Variants in ZFAT observed in about 807,000 individuals in gnomAD.
ZFAT encodes zinc finger and AT-hook domain containing.
In ZFAT, 64 loss-of-function variants were observed where a neutral mutation model predicts 117.7. The observed-to-expected ratio is 0.54, with a 90% CI of 0.44 to 0.67. The LOEUF (loss-of-function observed/expected upper bound fraction) is 0.67. ZFAT is among the 30% of genes least tolerant of loss of function. The pLI is 0.00. For synonymous variants in ZFAT, 679 were observed against 615.0 expected, an observed-to-expected ratio of 1.10 and a Z score of -1.54; for missense variants, 1,433 against 1,584.5, an observed-to-expected ratio of 0.90 and a Z score of 1.62.
intron 15 of ZFAT, among the ~76,000 whole-genome samples, chr8:134,480,863 A>T (rs1817253444): frequency 6.6e-6 from 1 of 152,096 alleles, no homozygotes; most frequent in African/African-American, 2.4e-5. Flanking sequence ...TGACCCTGTG[A>T]TTATTCCAGT....
At chr8:134,485,902 C>T (rs997360474) in intron 15 of ZFAT, among the ~76,000 whole-genome samples, 7 of 152,214 alleles carry the variant, frequency 4.6e-5, no homozygotes, top group African/African-American at 1.4e-4. Context: ...AAATTCGCAT[C>T]ACAGCTTTCA....
At position 134,565,356 on chromosome 8, in the gene ZFAT, T is replaced by C. The variant is rs1824363435; in HGVS notation, c.2953A>G (p.Met985Val). Reference protein sequence around the residue: ...AAQKPQLLRHMEQHVSFKPFR... With the variant: ...AAQKPQLLRHVEQHVSFKPFR... Reference sequence around the variant, plus strand: ...ACCTTGAAGGAGACATGCTGTTCCATGTGCCGCAGCAGCTGTGGCTTCTGG... The same window carrying C: ...ACCTTGAAGGAGACATGCTGTTCCACGTGCCGCAGCAGCTGTGGCTTCTGG... The change falls in exon 11 of 16, where the codon ATG (methionine) becomes GTG (valine). Residue 985 changes from methionine (M) to valine (V), a missense_variant. This residue lies in a region of ZFAT where 503 missense variants were observed against 543.4 expected (regional missense o/e 0.93). Transcript: ENST00000377838. 2.5e-6 allele frequency: 4 copies of C among 1,613,904 alleles called. No individual in the cohort carries two copies. The highest frequency in any genetic ancestry group is 1.7e-5 in the Admixed American group (1 of 60,000).
intron 7 of ZFAT, among the ~76,000 whole-genome samples, chr8:134,592,293 C>T (rs1331820987): frequency 2.0e-5 from 3 of 152,218 alleles, no homozygotes; most frequent in Admixed American, 1.3e-4. Flanking sequence ...TTCTTAAGAA[C>T]TCACTGGATG....
chr8:134,620,281 A>G (rs912746890), intron 3 of ZFAT, among the ~76,000 whole-genome samples: 2 of 152,190 alleles, frequency 1.3e-5, no homozygotes, highest in Non-Finnish European at 2.9e-5. Flanking sequence ...TAAGGCTGGC[A>G]TTTGCTCTGT....
chr8:134,778,520 C>T, the ZFAT span, among the ~76,000 whole-genome samples: 2,836 of 152,328 alleles, frequency 0.019, 97 homozygotes, highest in African/African-American at 0.064. Context: ...TCAGTCTATC[C>T]GTTCATCAAA....
the ZFAT span, among the ~76,000 whole-genome samples, chr8:134,735,379 G>A: frequency 6.6e-6 from 1 of 152,154 alleles, no homozygotes; most frequent in Admixed American, 6.5e-5. Context: ...GCAGCATTGA[G>A]GCTAGCACTG....
At chr8:134,514,510 A>C (rs950857590) in intron 13 of ZFAT, among the ~76,000 whole-genome samples, 2 of 152,152 alleles carry the variant, frequency 1.3e-5, no homozygotes, top group Non-Finnish European at 2.9e-5. Flanking sequence ...GAGGGCCTCC[A>C]GGGGCTCATT....
intron 3 of ZFAT, among the ~76,000 whole-genome samples, chr8:134,618,647 A>C (rs1828904583): frequency 1.3e-5 from 2 of 152,190 alleles, no homozygotes; most frequent in African/African-American, 4.8e-5. Context: ...CTACTACTAA[A>C]TAAAATATTC....
chr8:134,768,181 C>T, the ZFAT span, among the ~76,000 whole-genome samples: 1 of 152,296 alleles, frequency 6.6e-6, no homozygotes, highest in East Asian at 1.9e-4. Context: ...AGCACGTGCT[C>T]GCTTCATGCC....
At chr8:134,519,000 A>G (rs901167104) in intron 13 of ZFAT, among the ~76,000 whole-genome samples, 4 of 152,120 alleles carry the variant, frequency 2.6e-5, no homozygotes, top group African/African-American at 7.2e-5. Context: ...ATTCCATTAA[A>G]CCATCTGTTC....
chr8:134,743,313 A>AC, the ZFAT span, among the ~76,000 whole-genome samples: 1 of 151,928 alleles, frequency 6.6e-6, no homozygotes, highest in African/African-American at 2.4e-5. Context: ...ACATGGTGAA[A>AC]CCCCGTCTCT....
At chr8:134,632,361 C>T (rs919282544) in intron 3 of ZFAT, among the ~76,000 whole-genome samples, 15 of 152,184 alleles carry the variant, frequency 9.9e-5, no homozygotes, top group African/African-American at 3.6e-4. Flanking sequence ...ATTGGTAAGG[C>T]TTCTGGCCAA....
intron 2 of ZFAT, among the ~76,000 whole-genome samples, chr8:134,642,327 G>A (rs893121547): frequency 7.2e-5 from 11 of 152,118 alleles, no homozygotes; most frequent in African/African-American, 2.2e-4. Context: ...GAGCTGGACC[G>A]ACCTGGGTTC....
chr8:134,563,583 A>G (rs16905181), intron 11 of ZFAT, among the ~76,000 whole-genome samples: 1,575 of 152,308 alleles, frequency 0.01, 26 homozygotes, highest in African/African-American at 0.036. Context: ...GTGAGTCAAT[A>G]TCATCATGGT....
chr8:134,591,669 G>A (rs1826514158), intron 7 of ZFAT, among the ~76,000 whole-genome samples: 1 of 152,190 alleles, frequency 6.6e-6, no homozygotes, highest in Non-Finnish European at 1.5e-5. Context: ...CAATGTGACT[G>A]GTGTCCTTAT....
the ZFAT span, among the ~76,000 whole-genome samples, chr8:134,751,569 A>G: frequency 1.3e-3 from 203 of 152,260 alleles, no homozygotes; most frequent in African/African-American, 4.7e-3. Flanking sequence ...AGTAAAAGTG[A>G]CCCAGAGAGA....
chr8:134,729,982 A>C, the ZFAT span, among the ~76,000 whole-genome samples: 1 of 151,992 alleles, frequency 6.6e-6, no homozygotes, highest in Admixed American at 6.6e-5. Context: ...CAATATTTTC[A>C]TTTTCTCCTC....
At chr8:134,533,636 T>A (rs1490584006) in intron 11 of ZFAT, among the ~76,000 whole-genome samples, 3 of 152,238 alleles carry the variant, frequency 2.0e-5, no homozygotes, top group Non-Finnish European at 4.4e-5. Flanking sequence ...CATACACAAG[T>A]GTCAACCATC....
intron 12 of ZFAT, among the ~76,000 whole-genome samples, chr8:134,523,185 TG>T (rs1297457334): frequency 1.3e-5 from 2 of 152,202 alleles, no homozygotes; most frequent in Non-Finnish European, 2.9e-5. Context: ...CTGAACACTC[TG>T]TTCCTCCAGC....
Sources: allele counts gnomAD v4.1 joint callset (sites outside exome capture counted in the v4.1 genomes callset), GRCh38; gene constraint gnomAD v4.1.1; regional missense constraint gnomAD v4.1.1; transcripts MANE v1.5; gene names NCBI Gene and HGNC (gene_info 2026-07-23, HGNC 2026-07-21).